The following PLPPR5 variants were observed in gnomAD, a reference collection of about 807,000 sequenced individuals.
The protein encoded by PLPPR5 is phospholipid phosphatase-related protein type 5.
In PLPPR5, 16 loss-of-function variants were observed where a neutral mutation model predicts 33.9. The ratio of observed to expected loss-of-function variants is 0.47; its 90% confidence interval spans 0.32 to 0.72. The LOEUF (loss-of-function observed/expected upper bound fraction) is 0.72, where lower values mean the gene tolerates loss of function less well. Ranked by LOEUF, PLPPR5 falls within the 30% of genes least tolerant of loss-of-function variation. The pLI, the probability that PLPPR5 is intolerant of heterozygous loss-of-function variation, is 0.03. For synonymous variants in PLPPR5, 163 were observed against 150.3 expected (o/e 1.08, Z -0.62); for missense variants, 301 against 406.7 (o/e 0.74, Z 2.23).
intron 1 of PLPPR5, among the ~76,000 whole-genome samples, chr1:98,990,126 T>C (rs1181342001): frequency 6.6e-6 from 1 of 152,120 alleles, no homozygotes; most frequent in Non-Finnish European, 1.5e-5. Flanking sequence ...ACCAGCACTT[T>C]GGGAGGCCAA....
chr1:98,928,152 T>G (rs996284772), intron 3 of PLPPR5, among the ~76,000 whole-genome samples: 35 of 152,226 alleles, frequency 2.3e-4, no homozygotes, highest in South Asian at 8.3e-4. Flanking sequence ...GCACTTGAAA[T>G]ATGATGAGGC....
intron 1 of PLPPR5, among the ~76,000 whole-genome samples, chr1:98,966,506 G>A (rs1651456058): frequency 6.6e-6 from 1 of 152,120 alleles, no homozygotes. Flanking sequence ...TCCAGTTACA[G>A]AAGAAGAAAA....
At chr1:98,920,998 C>T (rs1245163117) in intron 4 of PLPPR5, among the ~76,000 whole-genome samples, 1 of 152,024 alleles carries the variant, frequency 6.6e-6, no homozygotes, top group African/African-American at 2.4e-5. Flanking sequence ...ACACTCACAA[C>T]TTATACTATA....
chr1:98,912,639 T>C (rs1225568938), intron 5 of PLPPR5, among the ~76,000 whole-genome samples: 1 of 152,140 alleles, frequency 6.6e-6, no homozygotes, highest in Non-Finnish European at 1.5e-5. Context: ...GAAATATAGA[T>C]TGTAGCTGGG....
chr1:98,936,552 C>T (rs1351399656), intron 3 of PLPPR5, among the ~76,000 whole-genome samples: 1 of 152,210 alleles, frequency 6.6e-6, no homozygotes, highest in Non-Finnish European at 1.5e-5. Context: ...CAGGCAGTAT[C>T]TCCAACTATG....
Position 98,892,080 on chromosome 1 carries a change from T to C in PLPPR5, c.*992A>G, listed in dbSNP as rs1648294123. On this transcript the variant is annotated 3_prime_UTR_variant, in exon 6 of 6. Coordinates refer to ENST00000263177, the MANE Select transcript of PLPPR5 (RefSeq NM_001037317.2). The stretch of plus-strand genomic sequence containing the variant: ...TGGTGTAAATATGCTTTGTAAACTA[T>C]AAAGTACTACACAAATGCAAAGTAA... 1 of 152,130 alleles carries C rather than the reference T, an allele frequency of 6.6e-6. No homozygotes were observed. Among genetic ancestry groups the C allele is most frequent in the Admixed American group, 6.6e-5 (1 of 15,246 alleles). The allele number at this position is 152,130 out of a possible 1,614,324, so 9.4% of individuals were successfully genotyped here.
intron 3 of PLPPR5, among the ~76,000 whole-genome samples, chr1:98,946,407 T>TTTACAAAA (rs1443075756): frequency 1.3e-5 from 2 of 152,184 alleles, no homozygotes; most frequent in African/African-American, 4.8e-5. Flanking sequence ...CTCAGGTTGG[T>TTTACAAAA]TTACAAAGTC....
chr1:98,922,946 C>T (rs931295019), intron 3 of PLPPR5, among the ~76,000 whole-genome samples: 1 of 151,914 alleles, frequency 6.6e-6, no homozygotes, highest in Non-Finnish European at 1.5e-5. Context: ...GATCGTGCCA[C>T]TGCACTCCAG....
chr1:98,983,412 T>G (rs1161569016), intron 1 of PLPPR5, among the ~76,000 whole-genome samples: 1 of 124,800 alleles, frequency 8.0e-6, no homozygotes, highest in East Asian at 2.3e-4. Context: ...ACAAAGGACA[T>G]GAACTCATCA....
At chr1:98,937,909 A>G (rs1214537889) in intron 3 of PLPPR5, among the ~76,000 whole-genome samples, 1 of 152,242 alleles carries the variant, frequency 6.6e-6, no homozygotes, top group Non-Finnish European at 1.5e-5. Flanking sequence ...TATGTATGTA[A>G]GCTTTAAATA....
intron 3 of PLPPR5, among the ~76,000 whole-genome samples, chr1:98,932,552 G>T (rs768981647): frequency 1.3e-5 from 2 of 152,104 alleles, no homozygotes; most frequent in Non-Finnish European, 1.5e-5. Context: ...TAATCTATGT[G>T]ACCTTTCAGC....
At chr1:98,943,636 A>G (rs1650456909) in intron 3 of PLPPR5, among the ~76,000 whole-genome samples, 1 of 152,226 alleles carries the variant, frequency 6.6e-6, no homozygotes, top group South Asian at 2.1e-4. Context: ...ACTACTTATT[A>G]GGGGAATTTA....
chr1:98,916,223 T>C (rs901251260), intron 4 of PLPPR5, among the ~76,000 whole-genome samples: 1 of 152,158 alleles, frequency 6.6e-6, no homozygotes, highest in African/African-American at 2.4e-5. Flanking sequence ...GTCAGAAAAA[T>C]ACTCCTTTGC....
chr1:98,969,348 C>T (rs190834186), intron 1 of PLPPR5, among the ~76,000 whole-genome samples: 5 of 152,020 alleles, frequency 3.3e-5, no homozygotes, highest in Admixed American at 1.3e-4. Flanking sequence ...CACCACTTCC[C>T]TGGTTATTAG....
intron 5 of PLPPR5, among the ~76,000 whole-genome samples, chr1:98,896,198 C>A (rs906955601): frequency 1.3e-5 from 2 of 151,920 alleles, no homozygotes; most frequent in African/African-American, 4.8e-5. Context: ...ATACAGATGG[C>A]CTAATTCCTG....
intron 4 of PLPPR5, among the ~76,000 whole-genome samples, chr1:98,920,802 A>C (rs1649524873): frequency 6.6e-6 from 1 of 152,186 alleles, no homozygotes; most frequent in Non-Finnish European, 1.5e-5. Context: ...AGGGCAATTT[A>C]AATGTAATCA....
chr1:98,942,150 C>A (rs1650397683), intron 3 of PLPPR5, among the ~76,000 whole-genome samples: 1 of 147,924 alleles, frequency 6.8e-6, no homozygotes. Context: ...CGGCTCACTG[C>A]AACCTCTGCC....
chr1:98,982,338 A>AT (rs1652087070), intron 1 of PLPPR5, among the ~76,000 whole-genome samples: 1 of 152,068 alleles, frequency 6.6e-6, no homozygotes, highest in Non-Finnish European at 1.5e-5. Flanking sequence ...TCATACTAAC[A>AT]TTCCATGTCA....
chr1:98,961,811 T>A (rs2101229562), intron 1 of PLPPR5, among the ~76,000 whole-genome samples: 1 of 152,302 alleles, frequency 6.6e-6, no homozygotes, highest in East Asian at 1.9e-4. Context: ...AAGTTCTATA[T>A]TATCTGGCAT....
Sources: allele counts gnomAD v4.1 joint callset (sites outside exome capture counted in the v4.1 genomes callset), GRCh38; gene constraint gnomAD v4.1.1; transcripts MANE v1.5; gene names NCBI Gene and HGNC (gene_info 2026-07-23, HGNC 2026-07-21).